Variants in N4BP3 observed in about 807,000 individuals in gnomAD.
N4BP3 encodes the protein NEDD4 binding protein 3.
N4BP3 carries 33 observed loss-of-function variants against 43.8 expected under a neutral mutation model. That is an observed-to-expected ratio of 0.75 (90% CI 0.57 to 1.01). The LOEUF (loss-of-function observed/expected upper bound fraction) is 1.01, where lower values mean the gene tolerates loss of function less well. Ranked by LOEUF, N4BP3 falls within the 50% of genes least tolerant of loss-of-function variation. The pLI is 0.00. For missense variants in N4BP3, 756 were observed against 744.2 expected (o/e 1.02, Z -0.18); for synonymous variants, 326 against 321.9 (o/e 1.01, Z -0.14).
At chr5:178,126,306 G>A (rs1443445248), downstream of N4BP3, among the ~76,000 whole-genome samples, 1 of 152,142 alleles carries the variant, frequency 6.6e-6, no homozygotes, top group Non-Finnish European at 1.5e-5. Flanking sequence ...AGCCTCCTGA[G>A]TAGCTGAGAC....
At position 178,121,858 on chromosome 5, in the gene N4BP3, G is replaced by A. The variant is rs921344030; in HGVS notation, c.1492G>A (p.Glu498Lys). The A allele has an allele frequency of 2.5e-6, 4 of 1,608,130 alleles. No individual in the cohort carries two copies. Among genetic ancestry groups the A allele is most frequent in the African/African-American group, 1.3e-5 (1 of 74,912 alleles). The change falls in exon 5 of 5, where the codon GAG becomes AAG. Residue 498 changes from glutamate (E) to lysine (K), a missense_variant. Glu to Lys is a moderately conservative substitution (Grantham distance 56). Coordinates refer to ENST00000274605, the MANE Select transcript of N4BP3 (RefSeq NM_015111.2). ...GCGGCGGACTTGGCAGGAGGAGAAG[G>A]AGCGCGTGCTGCGCTACCAGCGGGA... ...QERRTWQEEK[E>K]RVLRYQREIQ...
rs1757969621 is a variant in N4BP3 at position 178,123,008 on chromosome 5, C to G, written c.*1007C>G. 6.6e-6 allele frequency: 1 copy of G among 152,284 alleles called. No individual in the cohort carries two copies. The highest frequency in any genetic ancestry group is 2.1e-4 in the South Asian group (1 of 4,834). 9.4% of individuals were successfully genotyped at this position (152,284 alleles called of 1,614,324 possible). A position where few individuals can be genotyped will look rare whatever the true frequency, so the allele number is the denominator to read the frequency against. Reference sequence around the variant, plus strand: ...GGGTGAAATATGATTGATTTGCATTCTGGAAAGCTCTCCCAGGAGGAAGCA... The same window carrying G: ...GGGTGAAATATGATTGATTTGCATTGTGGAAAGCTCTCCCAGGAGGAAGCA... On this transcript the variant is annotated 3_prime_UTR_variant, in exon 5 of 5. Transcript: ENST00000274605.
Position 178,119,865 on chromosome 5 carries a change from G to A in N4BP3, c.282G>A (p.Ala94=), listed in dbSNP as rs138050909. 154 of 1,612,220 alleles carry A rather than the reference G, an allele frequency of 9.6e-5. No homozygotes were observed. The highest frequency in any genetic ancestry group is 1.3e-4 in the Admixed American group (8 of 59,976). The change falls in exon 2 of 5, where the codon GCG becomes GCA. Residue 94 remains alanine (A), a synonymous_variant. Coordinates refer to ENST00000274605, the MANE Select transcript of N4BP3 (RefSeq NM_015111.2). ...ATLYYREHSR[A]GDFSKTSLPE... ...TCTACTACCGGGAACATTCTCGCGC[G>A]GGTGACTTCAGCAAGACCTCGCTGC...
intron 1 of N4BP3, among the ~76,000 whole-genome samples, chr5:178,115,817 C>G (rs1327193223): frequency 2.0e-5 from 3 of 152,258 alleles, no homozygotes; most frequent in Non-Finnish European, 4.4e-5. Flanking sequence ...TCTTCCATCT[C>G]CACCAAGGAT....
At chr5:178,126,628 CA>C (rs1052645024), downstream of N4BP3, among the ~76,000 whole-genome samples, 20 of 152,186 alleles carry the variant, frequency 1.3e-4, no homozygotes, top group Non-Finnish European at 2.6e-4. Context: ...TTTTCCCTCC[CA>C]AAACCCTCCT....
At chr5:178,116,192 TGCCC>T (rs1757768243) in intron 1 of N4BP3, among the ~76,000 whole-genome samples, 1 of 22,122 alleles carries the variant, frequency 4.5e-5, no homozygotes, top group Non-Finnish European at 9.9e-5. Flanking sequence ...ACAGCTGCCC[TGCCC>T]AGCTGCCCTG....
At chr5:178,120,013 C>A (rs1051881879) in intron 2 of N4BP3, 100 bp downstream of exon 2, 3 of 1,473,870 alleles carry the variant, frequency 2.0e-6, no homozygotes, top group African/African-American at 2.8e-5. Context: ...TGCTGAGATA[C>A]GAAAATCGTG....
chr5:178,114,573 C>G (rs950494445), intron 1 of N4BP3, among the ~76,000 whole-genome samples: 1 of 152,236 alleles, frequency 6.6e-6, no homozygotes, highest in Non-Finnish European at 1.5e-5. Flanking sequence ...CCGACCCCAA[C>G]CACATAGGAA....
chr5:178,120,739 A>T (rs1483692683), intron 3 of N4BP3, 40 bp downstream of exon 3: 1 of 1,526,692 alleles, frequency 6.6e-7, no homozygotes, highest in Non-Finnish European at 8.8e-7. Flanking sequence ...TCTGTGCCTC[A>T]GCACTGGGGT....
At position 178,124,951 on chromosome 5, in the gene N4BP3, G is replaced by A. The variant is rs1202617960; in HGVS notation, c.*2950G>A. ...TTGGTTTGCCTGTCTCCTTTGAGCT[G>A]TGGGCATTGCCGGGGTAGGGTGGTG... On this transcript the variant is annotated 3_prime_UTR_variant, in exon 5 of 5. Coordinates refer to ENST00000274605, the MANE Select transcript of N4BP3 (RefSeq NM_015111.2). 6.6e-6 allele frequency: 1 copy of A among 152,332 alleles called. No individual in the cohort carries two copies. The highest frequency in any genetic ancestry group is 6.5e-5 in the Admixed American group (1 of 15,276). 9.4% of individuals were successfully genotyped at this position (152,332 alleles called of 1,614,324 possible).
rs2113321557 is a variant in N4BP3, at chr5:178,122,143, G to A, written c.*142G>A. ...GAGGCGCAAGGAGAGGAGGGATCCA[G>A]TGGGGCCGTGGGCTGGGTAGGGTGC... On this transcript the variant is annotated 3_prime_UTR_variant, in exon 5 of 5. Transcript: ENST00000274605. The A allele has an allele frequency of 4.6e-6, 5 of 1,081,810 alleles. No homozygotes were observed. The South Asian group carries it at 8.4e-5, about 18-fold the overall frequency. 67.0% of individuals were successfully genotyped at this position (1,081,810 alleles called of 1,614,324 possible).
At chr5:178,115,289 G>T (rs1234799925) in intron 1 of N4BP3, among the ~76,000 whole-genome samples, 1 of 152,204 alleles carries the variant, frequency 6.6e-6, no homozygotes, top group Non-Finnish European at 1.5e-5. Flanking sequence ...TCACAGAGGG[G>T]ATGGGGTGGG....
chr5:178,120,140 G>C (rs767732663), intron 2 of N4BP3, 38 bp from the exon 3 acceptor site: 3 of 1,531,268 alleles, frequency 2.0e-6, no homozygotes, highest in Admixed American at 4.1e-5. Context: ...AGCTGCCCAG[G>C]TCTCACACCT....
rs3812081 is a variant in N4BP3 at position 178,122,333 on chromosome 5, G to A, written c.*332G>A. 0.3 allele frequency: 79,544 copies of A among 267,840 alleles called. 12,864 individuals carry two copies. The highest frequency in any genetic ancestry group is 0.46 in the East Asian group (6,523 of 14,140). The allele number at this position is 267,840 out of a possible 1,614,324, so 16.6% of individuals were successfully genotyped here. On this transcript the variant is annotated 3_prime_UTR_variant, in exon 5 of 5. Coordinates refer to ENST00000274605, the MANE Select transcript of N4BP3 (RefSeq NM_015111.2). ...GAGAGAGGCTGGAGACCTGGGCTGG[G>A]GCCTTCCTCCAGGGAAGGAGGCTGG...
Position 178,121,147 on chromosome 5 carries a change from A to G in N4BP3, c.902A>G (p.Tyr301Cys), listed in dbSNP as rs1478854890. 1.2e-6 allele frequency: 2 copies of G among 1,600,284 alleles called. No individual in the cohort carries two copies. Among genetic ancestry groups the G allele is most frequent in the South Asian group, 1.1e-5 (1 of 90,522 alleles). Residue 301 changes from tyrosine to cysteine, a missense_variant, in exon 4 of 5, where the codon TAT (tyrosine) becomes TGT (cysteine). By Grantham distance (194) the Tyr-to-Cys change is radical. Coordinates refer to ENST00000274605, the MANE Select transcript of N4BP3 (RefSeq NM_015111.2). Reference sequence around the variant, plus strand: ...TGGCTGGCTGAGCTGAAGCGCCTGTATGTGGAGCGGCTGCACGAGGTGACC... The same window carrying G: ...TGGCTGGCTGAGCTGAAGCGCCTGTGTGTGGAGCGGCTGCACGAGGTGACC... ...RLWLAELKRL[Y>C]VERLHEVTQK...
chr5:178,121,946 C>G lies in N4BP3; in HGVS notation c.1580C>G (p.Ala527Gly), dbSNP rs1397122113. Residue 527 changes from alanine (A) to glycine (G), a missense_variant, in exon 5 of 5, where the codon GCA becomes GGA. Ala to Gly is a moderately conservative substitution (Grantham distance 60). Transcript: ENST00000274605. ...RNQALEQELRALREPPTPWSP... is the reference protein window; with the variant it reads ...RNQALEQELRGLREPPTPWSP... ...CAGGCACTGGAGCAGGAACTGCGGG[C>G]ACTGCGGGAGCCCCCCACACCCTGG... 1.2e-6 allele frequency: 2 copies of G among 1,611,534 alleles called. No homozygotes were observed. The highest frequency in any genetic ancestry group is 2.2e-5 in the East Asian group (1 of 44,858).
chr5:178,119,562 G>A lies in N4BP3; in HGVS notation c.-22G>A, dbSNP rs779118855. On this transcript the variant is annotated 5_prime_UTR_variant, in exon 2 of 5. Transcript: ENST00000274605. Reference sequence around the variant, plus strand: ...AGCCTCCCAATTCCCAGAAGCAGCTGCCTGTACCCTGTTGAAACTTCATGG... The same window carrying A: ...AGCCTCCCAATTCCCAGAAGCAGCTACCTGTACCCTGTTGAAACTTCATGG... 1 of 1,520,022 alleles carries A rather than the reference G, an allele frequency of 6.6e-7. No homozygotes were observed. 94.2% of individuals were successfully genotyped at this position (1,520,022 alleles called of 1,614,324 possible).
chr5:178,117,440 C>T (rs1214100305), intron 1 of N4BP3, among the ~76,000 whole-genome samples: 1 of 151,972 alleles, frequency 6.6e-6, no homozygotes, highest in Non-Finnish European at 1.5e-5. Context: ...TTCTGAGCCC[C>T]ACTGACCTTT....
At chr5:178,114,235 A>G (rs1757718087) in intron 1 of N4BP3, among the ~76,000 whole-genome samples, 1 of 152,034 alleles carries the variant, frequency 6.6e-6, no homozygotes, top group African/African-American at 2.4e-5. Context: ...GACCTCCCGC[A>G]GCTTTGGGGA....
Sources: gnomAD v4.1 joint callset for allele counts (sites outside exome capture counted in the v4.1 genomes callset) on GRCh38, gnomAD v4.1.1 for gene constraint, MANE v1.5 for transcripts, NCBI Gene and HGNC (gene_info 2026-07-23, HGNC 2026-07-21) for gene names.